Variants in GLG1 observed in about 807,000 individuals in gnomAD.
GLG1 encodes the protein Golgi apparatus protein 1.
GLG1 carries 38 observed loss-of-function variants against 160.5 expected under a neutral mutation model. The ratio of observed to expected loss-of-function variants is 0.24; its 90% CI spans 0.18 to 0.31. The LOEUF is 0.31. Among genes scored for constraint, GLG1 ranks in the 10% least tolerant of loss-of-function variants. The pLI, the probability that GLG1 is intolerant of heterozygous loss-of-function variation, is 1.00. For synonymous variants in GLG1, 644 were observed against 543.4 expected (o/e 1.19, Z -2.57); for missense variants, 1,373 against 1,505.2 (o/e 0.91, Z 1.45).
chr16:74,596,018 GA>G (rs1958293798), intron 1 of GLG1, among the ~76,000 whole-genome samples: 3 of 152,242 alleles, frequency 2.0e-5, no homozygotes, highest in African/African-American at 7.2e-5. Flanking sequence ...AGCCACTCGG[GA>G]GGCTGAGGCA....
intron 1 of GLG1, among the ~76,000 whole-genome samples, chr16:74,589,880 T>A (rs1476399304): frequency 6.6e-6 from 1 of 152,146 alleles, no homozygotes; most frequent in East Asian, 1.9e-4. Context: ...GAGGTTGCAG[T>A]GAGCTGAAAT....
intron 4 of GLG1, 136 bp downstream of exon 4, chr16:74,503,395 G>C: frequency 1.5e-6 from 1 of 666,256 alleles, no homozygotes; most frequent in East Asian, 2.6e-5. Flanking sequence ...TTAGCTCTTA[G>C]GGCTGTCTGG....
Position 74,463,487 on chromosome 16 carries a change from G to C in GLG1, c.2668-8C>G, listed in dbSNP as rs1334915827. On this transcript the variant is annotated splice_region_variant and splice_polypyrimidine_tract_variant and intron_variant, in intron 19 of 25. Coordinates refer to ENST00000422840, the MANE Select transcript of GLG1 (RefSeq NM_001145667.2). ...TGCTTCCGGACAGAACCTCTGCAAAGAAACAGTTTGATAAAAACAGCTATC... is the reference window on the plus strand; with the variant it reads ...TGCTTCCGGACAGAACCTCTGCAAACAAACAGTTTGATAAAAACAGCTATC... 1.9e-6 allele frequency: 3 copies of C among 1,613,384 alleles called. No homozygotes were observed. Among genetic ancestry groups the C allele is most frequent in the Non-Finnish European group, 2.5e-6 (3 of 1,179,676 alleles).
At chr16:74,562,738 G>A (rs931279298) in intron 1 of GLG1, among the ~76,000 whole-genome samples, 2 of 152,202 alleles carry the variant, frequency 1.3e-5, no homozygotes, top group East Asian at 1.9e-4. Context: ...GCCTCCCAAA[G>A]TGTAGAGATT....
intron 19 of GLG1, among the ~76,000 whole-genome samples, chr16:74,464,471 G>C (rs907265418): frequency 2.0e-5 from 3 of 152,200 alleles, no homozygotes; most frequent in African/African-American, 7.2e-5. Flanking sequence ...CTCCCTATCC[G>C]TTCTGCTAAT....
At chr16:74,552,899 G>A (rs564475905) in intron 1 of GLG1, among the ~76,000 whole-genome samples, 1 of 152,030 alleles carries the variant, frequency 6.6e-6, no homozygotes, top group South Asian at 2.1e-4. Flanking sequence ...TTGTGTCACA[G>A]GCCCTTATTT....
intron 23 of GLG1, chr16:74,458,240 G>A (rs2014640476): frequency 2.6e-6 from 1 of 390,888 alleles, no homozygotes; most frequent in African/African-American, 2.0e-5. Flanking sequence ...GTGACTGTAA[G>A]ATCAGATTTG....
At chr16:74,496,725 C>CAA (rs1453267863) in intron 4 of GLG1, 81 bp from the exon 5 acceptor site, 6 of 742,266 alleles carry the variant, frequency 8.1e-6, no homozygotes, top group Non-Finnish European at 1.2e-5. Flanking sequence ...CACACACACA[C>CAA]ACACACACAC....
chr16:74,567,182 G>T (rs1052614891), intron 1 of GLG1, among the ~76,000 whole-genome samples: 1 of 151,424 alleles, frequency 6.6e-6, no homozygotes, highest in African/African-American at 2.4e-5. Flanking sequence ...TGTTGTGTGT[G>T]GGGGGTGTAG....
At chr16:74,499,569 T>C (rs1051215840) in intron 4 of GLG1, among the ~76,000 whole-genome samples, 1 of 152,212 alleles carries the variant, frequency 6.6e-6, no homozygotes, top group East Asian at 1.9e-4. Context: ...CCTAGGTGTG[T>C]AGTAGGCTAT....
rs2143091197 is a variant in GLG1 at position 74,450,746 on chromosome 16, G to T, written c.*2421C>A. The T allele has an allele frequency of 6.6e-6, 1 of 152,156 alleles. No individual in the cohort carries two copies. The highest frequency in any genetic ancestry group is 1.9e-4 in the East Asian group (1 of 5,146). The allele number at this position is 152,156 out of a possible 1,614,324, so 9.4% of individuals were successfully genotyped here. A position where few individuals can be genotyped will look rare whatever the true frequency, so the allele number is the denominator to read the frequency against. On this transcript the variant is annotated 3_prime_UTR_variant, in exon 26 of 26. Transcript: ENST00000422840. ...TGCCTGGAATCCCAGCTACTCAGGA[G>T]GCTGAGGCAGAGAATTGCTTGAACC... is the stretch of plus-strand genomic sequence containing the variant.
chr16:74,477,739 C>T (rs1393705589), intron 11 of GLG1, among the ~76,000 whole-genome samples: 4 of 151,878 alleles, frequency 2.6e-5, no homozygotes, highest in Non-Finnish European at 5.9e-5. Flanking sequence ...TTTGGGAGGT[C>T]GAGGCGGGCG....
At position 74,471,225 on chromosome 16, in the gene GLG1, T is replaced by C; in HGVS notation, c.2177A>G (p.His726Arg). 6.2e-7 allele frequency: 1 copy of C among 1,613,304 alleles called. No homozygotes were observed. The highest frequency in any genetic ancestry group is 1.1e-5 in the South Asian group (1 of 91,052). ...DLMECLIQNKHQKDMNEKCAI... is the reference protein window; with the variant it reads ...DLMECLIQNKRQKDMNEKCAI... ...ACACTTCTCGTTCATGTCCTTCTGG[T>C]GTTTGTTCTGTATCAGACACTCCAT... Residue 726 changes from histidine (H) to arginine (R), a missense_variant, in exon 15 of 26, where the codon CAC becomes CGC. Coordinates refer to ENST00000422840, the MANE Select transcript of GLG1 (RefSeq NM_001145667.2).
intron 2 of GLG1, among the ~76,000 whole-genome samples, chr16:74,521,208 G>A (rs1015727687): frequency 1.2e-4 from 18 of 152,304 alleles, no homozygotes; most frequent in Admixed American, 2.0e-4. Flanking sequence ...GGCAACGGTC[G>A]TAGGAGAAGA....
chr16:74,469,931 C>G lies in GLG1; in HGVS notation c.2318+54G>C, dbSNP rs755476980. 1.8e-5 allele frequency: 20 copies of G among 1,133,486 alleles called. No individual in the cohort carries two copies. The South Asian group carries it at 2.3e-4, about 13-fold the overall frequency. The allele number at this position is 1,133,486 out of a possible 1,614,324, so 70.2% of individuals were successfully genotyped here. On this transcript the variant is annotated intron_variant, in intron 16 of 25. Transcript: ENST00000422840. ...TGCCTAACATCTCGCATACTCATTCCGGAGCTAAGAGGAACTTCGGGAAAG... is the reference window on the plus strand; with the variant it reads ...TGCCTAACATCTCGCATACTCATTCGGGAGCTAAGAGGAACTTCGGGAAAG...
intron 1 of GLG1, among the ~76,000 whole-genome samples, chr16:74,539,472 C>T (rs906736567): frequency 2.7e-5 from 4 of 147,546 alleles, no homozygotes; most frequent in Non-Finnish European, 4.5e-5. Flanking sequence ...AATGAAAAAT[C>T]TCCTCAAAGC....
At chr16:74,496,713 T>C (rs1425552269) in intron 4 of GLG1, 69 bp from the exon 5 acceptor site, 5 of 617,574 alleles carry the variant, frequency 8.1e-6, no homozygotes, top group East Asian at 2.7e-5. Flanking sequence ...AACATTTGGC[T>C]ACACACACAC....
intron 1 of GLG1, among the ~76,000 whole-genome samples, chr16:74,588,713 T>C (rs900711701): frequency 1.3e-5 from 2 of 152,070 alleles, no homozygotes; most frequent in Non-Finnish European, 2.9e-5. Context: ...GCCACCACAC[T>C]TGGCCTGTTC....
In GLG1 at chr16:74,453,143, G is replaced by A; in HGVS notation, c.*24C>T. On this transcript the variant is annotated 3_prime_UTR_variant, in exon 26 of 26. Transcript: ENST00000422840. Reference sequence around the variant, plus strand: ...GTACAAACTGGGCACTGGATAGGTAGTTCCTTTGGTGGTCAAGGTGGCTCT... The same window carrying A: ...GTACAAACTGGGCACTGGATAGGTAATTCCTTTGGTGGTCAAGGTGGCTCT... 1 of 1,611,472 alleles carries A rather than the reference G, an allele frequency of 6.2e-7. No individual in the cohort carries two copies. Among genetic ancestry groups the A allele is most frequent in the Non-Finnish European group, 8.5e-7 (1 of 1,178,394 alleles).
Sources: allele counts gnomAD v4.1 joint callset (sites outside exome capture counted in the v4.1 genomes callset), GRCh38; gene constraint gnomAD v4.1.1; transcripts MANE v1.5; gene names NCBI Gene and HGNC (gene_info 2026-07-23, HGNC 2026-07-21).